CADM2: variants seen among roughly 807,000 people sequenced by gnomAD.
CADM2 encodes immunoglobulin superfamily member 4D.
CADM2 carries 12 observed loss-of-function variants against 49.8 expected under a neutral mutation model. That is an observed-to-expected ratio of 0.24 (90% CI 0.15 to 0.39). The LOEUF (loss-of-function observed/expected upper bound fraction) is 0.39. Ranked by LOEUF, CADM2 falls within the 10% of genes least tolerant of loss-of-function variation. The pLI is 1.00. For missense variants in CADM2, 378 were observed against 492.3 expected, an observed-to-expected ratio of 0.77 and a Z score of 2.20; for synonymous variants, 214 against 175.4, an observed-to-expected ratio of 1.22 and a Z score of -1.74.
chr3:85,748,366 G>T (rs888003288), intron 2 of CADM2, among the ~76,000 whole-genome samples: 2 of 151,748 alleles, frequency 1.3e-5, no homozygotes, highest in African/African-American at 4.8e-5. Flanking sequence ...AGACAGCATT[G>T]CCAAAAGAAA....
chr3:85,383,957 A>T (rs2034058148), intron 1 of CADM2, among the ~76,000 whole-genome samples: 1 of 152,162 alleles, frequency 6.6e-6, no homozygotes, highest in Non-Finnish European at 1.5e-5. Flanking sequence ...CTCTGAAAAG[A>T]CTAATAAATA....
intron 1 of CADM2, among the ~76,000 whole-genome samples, chr3:85,691,883 C>G (rs796957489): frequency 2.0e-5 from 3 of 152,168 alleles, no homozygotes; most frequent in African/African-American, 7.2e-5. Context: ...GGACAAAAAA[C>G]CAAACACCGC....
At position 85,776,215 on chromosome 3, in the gene CADM2, T is replaced by C. The variant is rs73142875; in HGVS notation, c.89-25832T>C. Among the ~76,000 whole-genome samples the C allele has an allele frequency of 1.2e-3, 177 of 151,928 alleles. 1 individual carries two copies. The highest frequency in any genetic ancestry group is 2.1e-3 in the Non-Finnish European group (140 of 67,778). ...CATTCTAGGCTTATTATAGTCTTCA[T>C]TGAGAAAAATACATCTTTAAGTTTT... On this transcript the variant is annotated intron_variant, in intron 2 of 9. Coordinates refer to ENST00000383699, the MANE Select transcript of CADM2 (RefSeq NM_001167675.2).
chr3:85,347,470 A>C (rs1296757956), intron 1 of CADM2, among the ~76,000 whole-genome samples: 1 of 147,932 alleles, frequency 6.8e-6, no homozygotes, highest in Non-Finnish European at 1.5e-5. Context: ...ATATTTGTTC[A>C]AACTCTCAAG....
intron 1 of CADM2, among the ~76,000 whole-genome samples, chr3:85,615,801 G>A (rs990016504): frequency 6.6e-6 from 1 of 151,784 alleles, no homozygotes; most frequent in African/African-American, 2.4e-5. Flanking sequence ...AATATTCACA[G>A]GTAGTCACAT....
chr3:85,860,741 C>T (rs2075497207), intron 3 of CADM2, among the ~76,000 whole-genome samples: 1 of 152,122 alleles, frequency 6.6e-6, no homozygotes, highest in Admixed American at 6.5e-5. Context: ...TATTCCATCA[C>T]CTTGGGAGTT....
chr3:85,913,314 CAT>C (rs151117469), intron 6 of CADM2, among the ~76,000 whole-genome samples: 5,235 of 152,038 alleles, frequency 0.034, 298 homozygotes, highest in African/African-American at 0.12. Flanking sequence ...TGAATTGAAA[CAT>C]GTGAAATAAA....
intron 1 of CADM2, among the ~76,000 whole-genome samples, chr3:85,620,585 A>C (rs1243260976): frequency 6.6e-6 from 1 of 152,088 alleles, no homozygotes; most frequent in Non-Finnish European, 1.5e-5. Context: ...TTATTTTGCT[A>C]GTAATAGTTC....
At chr3:85,372,688 C>A (rs1175775527) in intron 1 of CADM2, among the ~76,000 whole-genome samples, 1 of 151,862 alleles carries the variant, frequency 6.6e-6, no homozygotes, top group Non-Finnish European at 1.5e-5. Context: ...AAAAAATACC[C>A]AAGACTGGGT....
intron 8 of CADM2, among the ~76,000 whole-genome samples, chr3:85,970,550 T>A (rs957167483): frequency 2.0e-5 from 3 of 151,704 alleles, no homozygotes; most frequent in Non-Finnish European, 4.4e-5. Context: ...AGCAAGGTTA[T>A]AATAACAATC....
chr3:85,345,161 A>T (rs1316828228), intron 1 of CADM2, among the ~76,000 whole-genome samples: 1 of 151,906 alleles, frequency 6.6e-6, no homozygotes, highest in Non-Finnish European at 1.5e-5. Context: ...CTAAAAATAC[A>T]AAAGTTAGCT....
intron 1 of CADM2, among the ~76,000 whole-genome samples, chr3:85,120,678 G>C (rs1008908215): frequency 3.3e-5 from 5 of 152,018 alleles, no homozygotes; most frequent in Admixed American, 1.3e-4. Context: ...GGCCTCCTGG[G>C]GGGTAGGGGG....
chr3:85,508,831 G>GTGTGTA (rs1220276765), intron 1 of CADM2, among the ~76,000 whole-genome samples: 1 of 53,054 alleles, frequency 1.9e-5, no homozygotes, highest in Non-Finnish European at 4.1e-5. Context: ...ATATCTCTGT[G>GTGTGTA]TGTGTATGTG....
intron 7 of CADM2, among the ~76,000 whole-genome samples, chr3:85,940,067 C>T (rs776115314): frequency 6.8e-6 from 1 of 148,092 alleles, no homozygotes; most frequent in African/African-American, 2.5e-5. Context: ...ACCTGTAATC[C>T]CAGCACTTTG....
intron 1 of CADM2, among the ~76,000 whole-genome samples, chr3:85,644,139 C>T (rs777298047): frequency 6.6e-6 from 1 of 152,096 alleles, no homozygotes; most frequent in Non-Finnish European, 1.5e-5. Context: ...ATTTCAAGAT[C>T]AAAGTTTTAG....
intron 1 of CADM2, among the ~76,000 whole-genome samples, chr3:85,238,042 A>C (rs963621628): frequency 6.6e-6 from 1 of 151,958 alleles, no homozygotes; most frequent in East Asian, 1.9e-4. Context: ...TATGAATAAC[A>C]CCTACTTGAT....
chr3:85,622,035 A>G (rs552346393), intron 1 of CADM2, among the ~76,000 whole-genome samples: 2 of 152,344 alleles, frequency 1.3e-5, no homozygotes, highest in South Asian at 4.1e-4. Flanking sequence ...TATACACAAA[A>G]ACTGTAAGCT....
At chr3:85,082,413 T>C (rs905440311) in intron 1 of CADM2, among the ~76,000 whole-genome samples, 1 of 152,194 alleles carries the variant, frequency 6.6e-6, no homozygotes, top group East Asian at 1.9e-4. Flanking sequence ...TTGCAATACA[T>C]GGACATAATG....
intron 3 of CADM2, among the ~76,000 whole-genome samples, chr3:85,847,630 C>T (rs1306688364): frequency 3.9e-5 from 6 of 152,008 alleles, no homozygotes; most frequent in Admixed American, 1.3e-4. Flanking sequence ...TTTAGAGTAC[C>T]TATTAGCACA....
Sources: gnomAD v4.1 joint callset for allele counts (sites outside exome capture counted in the v4.1 genomes callset) on GRCh38, gnomAD v4.1.1 for gene constraint, MANE v1.5 for transcripts, NCBI Gene and HGNC (gene_info 2026-07-23, HGNC 2026-07-21) for gene names.